The following CADM2 variants were observed in gnomAD, a reference collection of about 807,000 sequenced individuals.
CADM2 encodes the protein immunoglobulin superfamily member 4D.
CADM2 carries 12 observed loss-of-function variants against 49.8 expected under a neutral mutation model. The ratio of observed to expected loss-of-function variants is 0.24; its 90% confidence interval spans 0.15 to 0.39. CADM2 has a LOEUF of 0.39. CADM2 is among the 10% of genes least tolerant of loss of function. The pLI, the probability that CADM2 is intolerant of heterozygous loss-of-function variation, is 1.00. For missense variants in CADM2, 378 were observed against 492.3 expected, an observed-to-expected ratio of 0.77 and a Z score of 2.20; for synonymous variants, 214 against 175.4, an observed-to-expected ratio of 1.22 and a Z score of -1.74.
chr3:85,018,827 C>T lies in CADM2; in HGVS notation c.61+59159C>T, dbSNP rs530288717. Among the ~76,000 whole-genome samples the T allele has an allele frequency of 1.4e-4, 22 of 152,166 alleles. No individual in the cohort carries two copies. In the South Asian group the frequency reaches 4.1e-3, roughly 29 times the overall value. ...AGGATATGCTAATTGATATAACAAACAACTCCAAAATATCAATGAATTAAC... is the reference window on the plus strand; with the variant it reads ...AGGATATGCTAATTGATATAACAAATAACTCCAAAATATCAATGAATTAAC... On this transcript the variant is annotated intron_variant, in intron 1 of 9. Transcript: ENST00000383699.
chr3:84,959,474 C>A lies in CADM2; in HGVS notation c.-134C>A. 1 of 818,602 alleles carries A rather than the reference C, an allele frequency of 1.2e-6. No individual in the cohort carries two copies. Among genetic ancestry groups the A allele is most frequent in the Non-Finnish European group, 1.9e-6 (1 of 528,206 alleles). The allele number at this position is 818,602 out of a possible 1,614,324, so 50.7% of individuals were successfully genotyped here. A position where few individuals can be genotyped will look rare whatever the true frequency, so the allele number is the denominator to read the frequency against. On this transcript the variant is annotated 5_prime_UTR_variant, in exon 1 of 10. Transcript: ENST00000383699. ...GCCGATCCGAGTCCGCGGGTTCGAA[C>A]ACCGCAGCGGTGGGGACGGTGGGTC...
intron 1 of CADM2, among the ~76,000 whole-genome samples, chr3:85,370,148 G>A (rs969749484): frequency 1.3e-5 from 2 of 150,434 alleles, no homozygotes; most frequent in African/African-American, 4.9e-5. Context: ...GGGAGGGAGA[G>A]GTTGCAGTCA....
At chr3:85,791,042 G>C (rs2071292263) in intron 2 of CADM2, among the ~76,000 whole-genome samples, 1 of 152,188 alleles carries the variant, frequency 6.6e-6, no homozygotes, top group Non-Finnish European at 1.5e-5. Context: ...ACAACTTAAA[G>C]TCTTTCAGAC....
intron 3 of CADM2, among the ~76,000 whole-genome samples, chr3:85,821,499 A>C (rs1287243717): frequency 6.6e-6 from 1 of 152,184 alleles, no homozygotes; most frequent in Non-Finnish European, 1.5e-5. Context: ...CCTAAATCCT[A>C]GTCCTCCTTT....
At chr3:85,523,084 A>T (rs1473992135) in intron 1 of CADM2, among the ~76,000 whole-genome samples, 1 of 152,086 alleles carries the variant, frequency 6.6e-6, no homozygotes, top group African/African-American at 2.4e-5. Context: ...AATTTACATT[A>T]GTGTGTATAT....
intron 1 of CADM2, among the ~76,000 whole-genome samples, chr3:85,613,155 T>A (rs972162849): frequency 4.6e-5 from 7 of 151,768 alleles, no homozygotes; most frequent in Non-Finnish European, 8.9e-5. Flanking sequence ...GACACATTGA[T>A]AAATTGAATG....
chr3:85,970,375 T>G (rs1725971062), intron 8 of CADM2, among the ~76,000 whole-genome samples: 1 of 151,498 alleles, frequency 6.6e-6, no homozygotes, highest in Admixed American at 6.6e-5. Flanking sequence ...GAGTGGATAT[T>G]AAAAGTGAAG....
At chr3:85,043,122 AG>A in intron 1 of CADM2, among the ~76,000 whole-genome samples, 1 of 152,166 alleles carries the variant, frequency 6.6e-6, no homozygotes, top group East Asian at 1.9e-4. Flanking sequence ...GGGTTATTTT[AG>A]TAACTTTATT....
intron 1 of CADM2, among the ~76,000 whole-genome samples, chr3:85,081,516 G>A (rs1656510734): frequency 6.6e-6 from 1 of 152,100 alleles, no homozygotes; most frequent in Admixed American, 6.6e-5. Flanking sequence ...AATAATACAC[G>A]ACTTTTTCTA....
chr3:85,050,909 A>G (rs2035856358), intron 1 of CADM2, among the ~76,000 whole-genome samples: 1 of 152,204 alleles, frequency 6.6e-6, no homozygotes, highest in Non-Finnish European at 1.5e-5. Flanking sequence ...GGTACTGATG[A>G]CCAAGGTTGC....
In CADM2 at chr3:85,727,479, C is replaced by T. The variant is rs2067750046; in HGVS notation, c.88+931C>T. 1.3e-5 allele frequency among the ~76,000 whole-genome samples: 2 copies of T among 152,074 alleles called. 1 individual carries two copies. Among genetic ancestry groups the T allele is most frequent in the Non-Finnish European group, 2.9e-5 (2 of 67,988 alleles). On this transcript the variant is annotated intron_variant, in intron 2 of 9. Coordinates refer to ENST00000383699, the MANE Select transcript of CADM2 (RefSeq NM_001167675.2). ...TATTGTCACCTTTCTTATAGCTCAC[C>T]TAGCCTTGTTTCCTGTTCCAGTAAG... is the stretch of plus-strand genomic sequence containing the variant.
At chr3:85,182,299 T>C (rs2040955462) in intron 1 of CADM2, among the ~76,000 whole-genome samples, 1 of 152,068 alleles carries the variant, frequency 6.6e-6, no homozygotes, top group Non-Finnish European at 1.5e-5. Context: ...AAAGGGATAA[T>C]AAATTTACAT....
rs192040062 is a variant in CADM2, at chr3:85,609,899, G to A, written c.62-116623G>A. ...AAGAATAGGTGCAGTAATCATAGAGGAAGAAGGAATAGTCTTTGTGCGTAT... is the reference window on the plus strand; with the variant it reads ...AAGAATAGGTGCAGTAATCATAGAGAAAGAAGGAATAGTCTTTGTGCGTAT... On this transcript the variant is annotated intron_variant, in intron 1 of 9. Transcript: ENST00000383699. Among the ~76,000 whole-genome samples the A allele has an allele frequency of 3.1e-3, 466 of 152,066 alleles. 2 individuals are homozygous for A. The highest frequency in any genetic ancestry group is 9.9e-3 in the African/African-American group (412 of 41,546).
chr3:85,460,378 A>C (rs2107587666), intron 1 of CADM2, among the ~76,000 whole-genome samples: 1 of 152,274 alleles, frequency 6.6e-6, no homozygotes, highest in South Asian at 2.1e-4. Context: ...AGCTTACATA[A>C]ATTAATAATT....
chr3:85,587,942 T>C (rs2062989969), intron 1 of CADM2, among the ~76,000 whole-genome samples: 1 of 152,000 alleles, frequency 6.6e-6, no homozygotes, highest in Admixed American at 6.6e-5. Flanking sequence ...TGTTTTTGTA[T>C]TTTTTGTAAA....
intron 2 of CADM2, among the ~76,000 whole-genome samples, chr3:85,789,925 T>A (rs1374943228): frequency 1.3e-5 from 2 of 152,140 alleles, no homozygotes. Context: ...AAAAAAGTGT[T>A]GAGAACTTTA....
chr3:85,916,704 G>A (rs1718377923), intron 6 of CADM2, among the ~76,000 whole-genome samples: 2 of 151,832 alleles, frequency 1.3e-5, no homozygotes, highest in South Asian at 2.1e-4. Context: ...GGATGGCTGG[G>A]TCAAATGGTA....
intron 1 of CADM2, among the ~76,000 whole-genome samples, chr3:85,693,566 C>CCA (rs2066453729): frequency 2.6e-5 from 2 of 76,124 alleles, no homozygotes; most frequent in Admixed American, 1.6e-4. Flanking sequence ...GGCGAAAGAG[C>CCA]AAAAAAAAAA....
intron 3 of CADM2, among the ~76,000 whole-genome samples, chr3:85,859,986 A>G (rs954222331): frequency 1.8e-4 from 27 of 152,242 alleles, no homozygotes; most frequent in African/African-American, 6.3e-4. Context: ...CTCATGTTAA[A>G]TTTTGAAAAC....
Sources: allele counts gnomAD v4.1 joint callset (sites outside exome capture counted in the v4.1 genomes callset), GRCh38; gene constraint gnomAD v4.1.1; transcripts MANE v1.5; gene names NCBI Gene and HGNC (gene_info 2026-07-23, HGNC 2026-07-21).